The following ATP2B2 variants were observed in gnomAD, a reference collection of about 807,000 sequenced individuals.
ATP2B2 encodes ATPase plasma membrane Ca2+ transporting 2.
ATP2B2 carries 15 observed loss-of-function variants against 120.0 expected under a neutral mutation model. That is an observed-to-expected ratio of 0.12 (90% CI 0.08 to 0.19). The LOEUF (loss-of-function observed/expected upper bound fraction) is 0.19. Ranked by LOEUF, ATP2B2 falls within the 10% of genes least tolerant of loss-of-function variation. ATP2B2 has a pLI of 1.00. For synonymous variants in ATP2B2, 694 were observed against 700.3 expected (o/e 0.99, Z 0.14); for missense variants, 1,045 against 1,719.8 (o/e 0.61, Z 6.94).
intron 1 of ATP2B2, among the ~76,000 whole-genome samples, chr3:10,478,207 T>A (rs1173882327): frequency 6.6e-6 from 1 of 152,232 alleles, no homozygotes; most frequent in Non-Finnish European, 1.5e-5. Context: ...CCTTTGCCCA[T>A]CTTTGAACTG....
intron 3 of ATP2B2, among the ~76,000 whole-genome samples, chr3:10,409,089 G>A (rs749145075): frequency 6.6e-6 from 1 of 152,190 alleles, no homozygotes; most frequent in African/African-American, 2.4e-5. Context: ...ACTAGTGGTA[G>A]CTATAAAAAT....
chr3:10,533,417 G>A (rs188222576), intron 3 of ATP2B2, among the ~76,000 whole-genome samples: 35 of 152,326 alleles, frequency 2.3e-4, no homozygotes, highest in East Asian at 1.3e-3. Context: ...GCAAAATGCC[G>A]TTTTACAGAT....
chr3:10,507,677 C>T (rs1476205111), upstream of ATP2B2, among the ~76,000 whole-genome samples: 2 of 152,218 alleles, frequency 1.3e-5, 1 homozygote, highest in Non-Finnish European at 2.9e-5. Context: ...TTATGAGCCA[C>T]ACATTTCAAC....
At chr3:10,398,951 C>T (rs959622379) in intron 5 of ATP2B2, among the ~76,000 whole-genome samples, 1 of 152,178 alleles carries the variant, frequency 6.6e-6, no homozygotes, top group East Asian at 1.9e-4. Context: ...GGTTGGCTTC[C>T]CATCCATCTC....
chr3:10,651,966 G>A (rs1370035740), intron 1 of ATP2B2, among the ~76,000 whole-genome samples: 1 of 152,166 alleles, frequency 6.6e-6, no homozygotes, highest in African/African-American at 2.4e-5. Context: ...AACTAGAAGA[G>A]AATGGACTAT....
chr3:10,693,576 C>T (rs1166425319), intron 1 of ATP2B2, among the ~76,000 whole-genome samples: 9 of 152,244 alleles, frequency 5.9e-5, no homozygotes, highest in Admixed American at 1.3e-4. Context: ...GCGTAACAAA[C>T]GCCTGATTCT....
chr3:10,512,500 A>ACG (rs1559431607), intron 3 of ATP2B2, among the ~76,000 whole-genome samples: 1 of 150,408 alleles, frequency 6.6e-6, no homozygotes, highest in Non-Finnish European at 1.5e-5. Context: ...ACACACACAC[A>ACG]CACACACACA....
At position 10,449,581 on chromosome 3, in the gene ATP2B2, C is replaced by T; in HGVS notation, c.-38G>A. 2 of 1,612,676 alleles carry T rather than the reference C, an allele frequency of 1.2e-6. No individual in the cohort carries two copies. The highest frequency in any genetic ancestry group is 1.7e-6 in the Non-Finnish European group (2 of 1,178,804). Reference sequence around the variant, plus strand: ...CCTTGCTCGGGCTGGGCCCAAGGGTCAGCGCTGGACAAGAGGCTGCCGGGT... The same window carrying T: ...CCTTGCTCGGGCTGGGCCCAAGGGTTAGCGCTGGACAAGAGGCTGCCGGGT... On this transcript the variant is annotated 5_prime_UTR_variant, in exon 2 of 23. Transcript: ENST00000360273.
rs988744173 is a variant in ATP2B2, at chr3:10,326,021, G to A, written c.*2793C>T. ...CAAACATTTCAGAACCACACTGCACGAGTCAGAAGAGCCAGCGATTGAAAG... is the reference window on the plus strand; with the variant it reads ...CAAACATTTCAGAACCACACTGCACAAGTCAGAAGAGCCAGCGATTGAAAG... On this transcript the variant is annotated 3_prime_UTR_variant, in exon 23 of 23. Coordinates refer to ENST00000360273, the MANE Select transcript of ATP2B2 (RefSeq NM_001001331.4). 6.6e-6 allele frequency: 1 copy of A among 152,154 alleles called. No individual in the cohort carries two copies. Among genetic ancestry groups the A allele is most frequent in the African/African-American group, 2.4e-5 (1 of 41,358 alleles). The allele number at this position is 152,154 out of a possible 1,614,324, so 9.4% of individuals were successfully genotyped here.
In ATP2B2 at chr3:10,410,621, C is replaced by T. The variant is rs758872197; in HGVS notation, c.394G>A (p.Glu132Lys). ...GTGGGTCTGAGGCCCATCTTACCTT[C>T]GTTGCCCTCGCCGGGCGGGTGGTAG... The part of the protein sequence containing the change: ...SFYHPPGEGN[E>K]GCATAQGGAE... The change falls in exon 3 of 23, where the codon GAA (glutamate) becomes AAA (lysine). Residue 132 changes from glutamate (E) to lysine (K), a missense_variant. Physicochemically the swap from Glu to Lys is moderately conservative, Grantham distance 56. This residue lies in a region of ATP2B2 where 35 missense variants were observed against 37.2 expected (regional missense o/e 0.94). Transcript: ENST00000360273. 6.9e-6 allele frequency: 11 copies of T among 1,604,016 alleles called. No homozygotes were observed. The highest frequency in any genetic ancestry group is 3.4e-5 in the Admixed American group (2 of 59,512).
intron 1 of ATP2B2, among the ~76,000 whole-genome samples, chr3:10,504,965 G>T (rs887824955): frequency 6.6e-6 from 1 of 152,088 alleles, no homozygotes; most frequent in African/African-American, 2.4e-5. Context: ...CCAAAGGGAC[G>T]CTTCACAGGG....
In ATP2B2 at chr3:10,375,675, T is replaced by G. The variant is rs774178828; in HGVS notation, c.1202-31A>C. 1 of 1,600,094 alleles carries G rather than the reference T, an allele frequency of 6.2e-7. No homozygotes were observed. Among genetic ancestry groups the G allele is most frequent in the Admixed American group, 1.7e-5 (1 of 59,690 alleles). On this transcript the variant is annotated intron_variant, in intron 10 of 22. Transcript: ENST00000360273. The surrounding 1 kb of genome is among the most constrained non-coding windows in gnomAD (Gnocchi z 4.2). ...ATGTGAGGGACACATGCTTGGGGGGTTCCAGGAAGTGGAGGCTGGGGGTGG... is the reference window on the plus strand; with the variant it reads ...ATGTGAGGGACACATGCTTGGGGGGGTCCAGGAAGTGGAGGCTGGGGGTGG...
intron 1 of ATP2B2, among the ~76,000 whole-genome samples, chr3:10,701,640 C>G (rs1454828925): frequency 6.6e-6 from 1 of 151,386 alleles, no homozygotes; most frequent in Non-Finnish European, 1.5e-5. Context: ...TAAGACAAGA[C>G]CCATCATTTC....
intron 14 of ATP2B2, among the ~76,000 whole-genome samples, chr3:10,354,014 C>A (rs1171068891): frequency 1.3e-5 from 2 of 152,192 alleles, no homozygotes; most frequent in African/African-American, 4.8e-5. Flanking sequence ...ATTCACGAGG[C>A]CCCAGCCACT....
chr3:10,558,839 G>A (rs1169403000), intron 2 of ATP2B2, among the ~76,000 whole-genome samples: 2 of 152,150 alleles, frequency 1.3e-5, no homozygotes. Context: ...AGAAGGAAAG[G>A]AAGACAGGAG....
intron 1 of ATP2B2, among the ~76,000 whole-genome samples, chr3:10,492,754 A>C (rs2065982076): frequency 6.6e-6 from 1 of 151,960 alleles, no homozygotes; most frequent in Non-Finnish European, 1.5e-5. Flanking sequence ...TTTCTAGGCA[A>C]CCTCTCCACT....
At chr3:10,530,751 C>T (rs1316683988) in intron 3 of ATP2B2, among the ~76,000 whole-genome samples, 1 of 152,198 alleles carries the variant, frequency 6.6e-6, no homozygotes, top group South Asian at 2.1e-4. Context: ...CCAGCAAGGC[C>T]CCTCAGATGG....
rs2061361615 is a variant in ATP2B2, at chr3:10,375,694, G to A, written c.1202-50C>T. 1.3e-6 allele frequency: 2 copies of A among 1,554,240 alleles called. No homozygotes were observed. The highest frequency in any genetic ancestry group is 4.5e-5 in the East Asian group (2 of 44,020). ...GGGGGGTTCCAGGAAGTGGAGGCTG[G>A]GGGTGGTGTGGACCAAATCTTTGGC... On this transcript the variant is annotated intron_variant, in intron 10 of 22. Transcript: ENST00000360273. This position sits in a 1 kb window ranked among gnomAD's most constrained non-coding sequence, Gnocchi z 4.2.
intron 1 of ATP2B2, among the ~76,000 whole-genome samples, chr3:10,661,735 A>G (rs1358004074): frequency 1.3e-5 from 2 of 152,256 alleles, no homozygotes; most frequent in Non-Finnish European, 2.9e-5. Context: ...TCTTCACAGA[A>G]TTGGAAAAAA....
Sources: allele counts gnomAD v4.1 joint callset (sites outside exome capture counted in the v4.1 genomes callset), GRCh38; gene constraint gnomAD v4.1.1; regional missense constraint gnomAD v4.1.1; non-coding constraint Gnocchi (gnomAD v3.1); transcripts MANE v1.5; gene names NCBI Gene and HGNC (gene_info 2026-07-23, HGNC 2026-07-21).